ASPRV1: variants seen among roughly 807,000 people sequenced by gnomAD.
The protein encoded by ASPRV1 is aspartic peptidase retroviral like 1.
A neutral mutation model predicts 11.0 loss-of-function variants in ASPRV1; 7 were observed. That is an observed-to-expected ratio of 0.64 (90% CI 0.36 to 1.20). The LOEUF is 1.20. Among genes scored for constraint, ASPRV1 ranks in the 50% most tolerant of loss-of-function variants. ASPRV1 has a pLI of 0.02. For missense variants in ASPRV1, 299 were observed against 320.0 expected, an observed-to-expected ratio of 0.93 and a Z score of 0.50; for synonymous variants, 136 against 138.4, an observed-to-expected ratio of 0.98 and a Z score of 0.12.
chr2:70,050,228 C>CGAG, the ASPRV1 span: 1 of 151,344 alleles, frequency 6.6e-6, no homozygotes, highest in Non-Finnish European at 1.5e-5. Context: ...TGTGATGAGC[C>CGAG]GAGATCATGC....
chr2:69,941,751 A>G, the ASPRV1 span: 7 of 152,186 alleles, frequency 4.6e-5, no homozygotes, highest in Non-Finnish European at 8.8e-5. Flanking sequence ...GATGCTCAAA[A>G]TAACCATCTA....
the ASPRV1 span, among the ~76,000 whole-genome samples, chr2:69,947,680 A>C: frequency 6.6e-6 from 1 of 152,086 alleles, no homozygotes; most frequent in African/African-American, 2.4e-5. Context: ...AAGCAGACGG[A>C]AGTGAGGTTG....
chr2:70,048,507 G>A, the ASPRV1 span, among the ~76,000 whole-genome samples: 33 of 152,020 alleles, frequency 2.2e-4, 3 homozygotes, highest in Admixed American at 2.0e-3. Context: ...TAAAGGTGGA[G>A]ACCCAACAAC....
the ASPRV1 span, among the ~76,000 whole-genome samples, chr2:69,977,215 T>C: frequency 6.6e-6 from 1 of 151,728 alleles, no homozygotes; most frequent in Admixed American, 6.6e-5. Flanking sequence ...TGGGCAAAAA[T>C]GTAGAAATTC....
the ASPRV1 span, among the ~76,000 whole-genome samples, chr2:69,983,792 TCAC>T: frequency 6.6e-6 from 1 of 152,162 alleles, no homozygotes; most frequent in Non-Finnish European, 1.5e-5. Context: ...GGACAGCACC[TCAC>T]TTTTCTGAGG....
chr2:70,082,495 G>A, the ASPRV1 span, among the ~76,000 whole-genome samples: 1 of 152,088 alleles, frequency 6.6e-6, no homozygotes, highest in African/African-American at 2.4e-5. Flanking sequence ...CAGATCACCT[G>A]AGGTCAGGAG....
At chr2:70,063,552 GACT>G in the ASPRV1 span, among the ~76,000 whole-genome samples, 1 of 152,186 alleles carries the variant, frequency 6.6e-6, no homozygotes, top group Non-Finnish European at 1.5e-5. Flanking sequence ...GAAGCTCCAG[GACT>G]ACTGCAGGCT....
the ASPRV1 span, among the ~76,000 whole-genome samples, chr2:70,037,882 G>A: frequency 6.6e-6 from 1 of 151,882 alleles, no homozygotes; most frequent in African/African-American, 2.4e-5. Context: ...TTGTTATATG[G>A]TGACAGAAAT....
chr2:70,086,409 G>T, the ASPRV1 span: 1 of 152,250 alleles, frequency 6.6e-6, no homozygotes. Context: ...AAGGAGGAAG[G>T]GGAAAAGGCA....
downstream of ASPRV1, among the ~76,000 whole-genome samples, chr2:69,955,341 G>A (rs1207821512): frequency 6.6e-6 from 1 of 152,168 alleles, no homozygotes; most frequent in Non-Finnish European, 1.5e-5. Context: ...CTCAGATAAG[G>A]ACACACCTTG....
At chr2:69,993,335 A>G in the ASPRV1 span, 4 of 152,410 alleles carry the variant, frequency 2.6e-5, no homozygotes, top group African/African-American at 9.6e-5. Flanking sequence ...GGAAGTGTCC[A>G]GCTCAGAGTC....
At chr2:70,027,463 C>T in the ASPRV1 span, among the ~76,000 whole-genome samples, 3 of 152,114 alleles carry the variant, frequency 2.0e-5, no homozygotes, top group Admixed American at 1.3e-4. Context: ...ATGTTTACTG[C>T]AGCAGCAGTC....
At chr2:70,028,005 T>C in the ASPRV1 span, among the ~76,000 whole-genome samples, 2 of 152,198 alleles carry the variant, frequency 1.3e-5, no homozygotes, top group Admixed American at 1.3e-4. Context: ...TGCCACATCA[T>C]GGGCACTTCC....
At chr2:70,085,324 T>C in the ASPRV1 span, among the ~76,000 whole-genome samples, 2 of 152,060 alleles carry the variant, frequency 1.3e-5, no homozygotes, top group African/African-American at 2.4e-5. Flanking sequence ...CCCCTCCCTA[T>C]CCTCACCAGA....
chr2:70,021,349 C>T, the ASPRV1 span, among the ~76,000 whole-genome samples: 12 of 148,050 alleles, frequency 8.1e-5, no homozygotes, highest in Admixed American at 2.7e-4. Context: ...GACAGAGTCT[C>T]GCTCTGTCAC....
downstream of ASPRV1, among the ~76,000 whole-genome samples, chr2:69,958,305 C>T (rs1287012733): frequency 1.3e-5 from 2 of 152,096 alleles, no homozygotes; most frequent in Admixed American, 6.5e-5. Context: ...ACAGACCCCA[C>T]CCCTCACTGT....
the ASPRV1 span, among the ~76,000 whole-genome samples, chr2:70,037,378 C>G: frequency 6.6e-6 from 1 of 152,190 alleles, no homozygotes; most frequent in Non-Finnish European, 1.5e-5. Flanking sequence ...GGCTGGGGCA[C>G]AGTGGCGTGA....
chr2:70,034,046 CG>C, the ASPRV1 span, among the ~76,000 whole-genome samples: 39 of 148,788 alleles, frequency 2.6e-4, no homozygotes, highest in Admixed American at 4.8e-4. Context: ...CCCAGCTACA[CG>C]GGAGGCTGAG....
chr2:69,959,998 G>A (rs72910668), downstream of ASPRV1: 1 of 152,222 alleles, frequency 6.6e-6, no homozygotes, highest in Admixed American at 6.5e-5. Flanking sequence ...TATACCTCCA[G>A]CTAGGCACTC....
Sources: allele counts gnomAD v4.1 joint callset (sites outside exome capture counted in the v4.1 genomes callset), GRCh38; gene constraint gnomAD v4.1.1; transcripts MANE v1.5; gene names NCBI Gene and HGNC (gene_info 2026-07-23, HGNC 2026-07-21).